The following TECRL variants were observed in gnomAD, a reference collection of about 807,000 sequenced individuals.
TECRL encodes trans-2,3-enoyl-CoA reductase like.
A neutral mutation model predicts 52.8 loss-of-function variants in TECRL; 63 were observed. The ratio of observed to expected loss-of-function variants is 1.19; its 90% confidence interval spans 0.97 to 1.47. The LOEUF (loss-of-function observed/expected upper bound fraction) is 1.47, where lower values mean the gene tolerates loss of function less well. Among genes scored for constraint, TECRL ranks in the 40% most tolerant of loss-of-function variants. The probability of loss-of-function intolerance (pLI) is 0.00; values close to 1 mark genes in which losing one functional copy is unlikely to be tolerated. For missense variants in TECRL, 482 were observed against 429.6 expected (o/e 1.12, Z -1.08); for synonymous variants, 164 against 141.9 (o/e 1.16, Z -1.10).
chr4:64,337,374 G>A (rs1472496689), intron 2 of TECRL, among the ~76,000 whole-genome samples: 7 of 152,166 alleles, frequency 4.6e-5, no homozygotes, highest in African/African-American at 7.2e-5. Flanking sequence ...CACAAGACAG[G>A]AATGCCCTCT....
At chr4:64,280,491 A>G (rs899602239) in intron 11 of TECRL, among the ~76,000 whole-genome samples, 2 of 152,164 alleles carry the variant, frequency 1.3e-5, no homozygotes, top group Non-Finnish European at 2.9e-5. Context: ...ATTTTCAATA[A>G]TAGTTGCCTG....
At chr4:64,335,554 C>G (rs1395666458) in intron 2 of TECRL, among the ~76,000 whole-genome samples, 1 of 152,140 alleles carries the variant, frequency 6.6e-6, no homozygotes, top group Non-Finnish European at 1.5e-5. Flanking sequence ...CCTACATCCC[C>G]TGTGTGTGGA....
At chr4:64,390,342 A>G (rs958811818) in intron 1 of TECRL, among the ~76,000 whole-genome samples, 2 of 151,892 alleles carry the variant, frequency 1.3e-5, no homozygotes, top group Non-Finnish European at 2.9e-5. Flanking sequence ...GGAATGTTTT[A>G]TATCTTCAAC....
intron 3 of TECRL, among the ~76,000 whole-genome samples, chr4:64,327,199 C>CT (rs998266668): frequency 2.8e-4 from 43 of 151,892 alleles, no homozygotes; most frequent in South Asian, 1.0e-3. Flanking sequence ...AATCAGTTGA[C>CT]TTTTTTTTCA....
At chr4:64,330,556 A>T (rs547129673) in intron 2 of TECRL, among the ~76,000 whole-genome samples, 4 of 152,250 alleles carry the variant, frequency 2.6e-5, no homozygotes, top group African/African-American at 9.6e-5. Flanking sequence ...TAATCACAAC[A>T]CTTTGGGAGG....
intron 1 of TECRL, among the ~76,000 whole-genome samples, chr4:64,401,464 A>G (rs766546168): frequency 5.9e-5 from 9 of 152,212 alleles, no homozygotes; most frequent in Admixed American, 3.9e-4. Flanking sequence ...TGCCATCTTC[A>G]GCTAAACAAT....
At chr4:64,297,226 C>G (rs916521348) in intron 8 of TECRL, among the ~76,000 whole-genome samples, 3 of 151,278 alleles carry the variant, frequency 2.0e-5, no homozygotes, top group Non-Finnish European at 4.4e-5. Context: ...CATTAACAGT[C>G]TACAAAATAG....
intron 7 of TECRL, among the ~76,000 whole-genome samples, chr4:64,304,378 C>T (rs542464803): frequency 1.3e-5 from 2 of 152,018 alleles, no homozygotes; most frequent in East Asian, 3.9e-4. Context: ...AGACCCTGAA[C>T]ATTGTAATTC....
intron 7 of TECRL, among the ~76,000 whole-genome samples, chr4:64,304,686 T>C (rs931267901): frequency 2.0e-5 from 3 of 152,098 alleles, no homozygotes. Context: ...TTTCATCCAG[T>C]GTACATTCAA....
intron 2 of TECRL, among the ~76,000 whole-genome samples, chr4:64,371,686 C>T (rs1220575932): frequency 1.3e-5 from 2 of 151,694 alleles, no homozygotes; most frequent in African/African-American, 2.4e-5. Flanking sequence ...ACATTTTTCT[C>T]ATTCCTGCTC....
intron 1 of TECRL, among the ~76,000 whole-genome samples, chr4:64,385,656 GA>G (rs550372242): frequency 7.2e-5 from 11 of 152,224 alleles, no homozygotes; most frequent in Admixed American, 7.2e-4. Flanking sequence ...CCCAAGGCAG[GA>G]TATAATTTAC....
At position 64,314,762 on chromosome 4, in the gene TECRL, AC is replaced by A. The variant is rs759031171; in HGVS notation, c.436del (p.Val146CysfsTer11). ...AGGTCCTGTGTATTCAGCCAAAAAC[AC>A]CTGAAAATAAAACATGATTTAGATT... ...DLGQQVSWTT[V>X]FLAEYTGPLL... On this transcript the variant is annotated frameshift_variant and splice_region_variant, in exon 5 of 12. Coordinates refer to ENST00000381210, the MANE Select transcript of TECRL (RefSeq NM_001010874.5). LOFTEE classifies it high-confidence loss of function. 6.3e-7 allele frequency: 1 copy of A among 1,591,070 alleles called. No individual in the cohort carries two copies.
chr4:64,331,940 A>G (rs1443843919), intron 2 of TECRL, among the ~76,000 whole-genome samples: 3 of 152,180 alleles, frequency 2.0e-5, no homozygotes, highest in Non-Finnish European at 4.4e-5. Context: ...ATTAATTGCA[A>G]TGACAAACTA....
chr4:64,345,558 G>A (rs1203635038), intron 2 of TECRL, among the ~76,000 whole-genome samples: 2 of 111,538 alleles, frequency 1.8e-5, no homozygotes, highest in Non-Finnish European at 3.5e-5. Flanking sequence ...TGTGGGGTGG[G>A]GGGAGGGGGG....
chr4:64,346,084 T>G (rs943543696), intron 2 of TECRL, among the ~76,000 whole-genome samples: 2 of 152,102 alleles, frequency 1.3e-5, no homozygotes, highest in African/African-American at 4.8e-5. Flanking sequence ...AAATTTACTC[T>G]TTAATAAAAA....
intron 1 of TECRL, 116 bp downstream of exon 1, chr4:64,409,002 A>C: frequency 1.0e-6 from 1 of 957,930 alleles, no homozygotes; most frequent in Non-Finnish European, 1.5e-6. Flanking sequence ...TTAAGGTAAA[A>C]GTCAGAAATG....
intron 8 of TECRL, chr4:64,298,883 T>A (rs550366296): frequency 1.3e-5 from 2 of 151,354 alleles, no homozygotes; most frequent in South Asian, 4.1e-4. Flanking sequence ...TTAGTCTTAA[T>A]ACAACAGGGG....
intron 3 of TECRL, among the ~76,000 whole-genome samples, chr4:64,324,399 GTTA>G (rs1718111623): frequency 6.6e-6 from 1 of 151,590 alleles, no homozygotes. Context: ...TATTATTGTT[GTTA>G]TTATTATTGT....
intron 2 of TECRL, among the ~76,000 whole-genome samples, chr4:64,373,470 G>C (rs192713992): frequency 3.3e-4 from 50 of 151,696 alleles, no homozygotes; most frequent in African/African-American, 1.2e-3. Flanking sequence ...TTAGAAGCAG[G>C]CTCTAAATCA....
Sources: allele counts gnomAD v4.1 joint callset (sites outside exome capture counted in the v4.1 genomes callset), GRCh38; gene constraint gnomAD v4.1.1; transcripts MANE v1.5; gene names NCBI Gene and HGNC (gene_info 2026-07-23, HGNC 2026-07-21).